Variants in LRMDA observed in about 807,000 individuals in gnomAD.
LRMDA encodes leucine-rich melanocyte differentiation-associated protein.
Under a neutral mutation model 29.8 loss-of-function variants are expected in LRMDA, and 18 were observed. The observed-to-expected ratio is 0.60, with a 90% CI of 0.42 to 0.90. The LOEUF is 0.90. Ranked by LOEUF, LRMDA falls within the 40% of genes least tolerant of loss-of-function variation. LRMDA has a pLI of 0.00. For synonymous variants in LRMDA, 125 were observed against 109.4 expected (o/e 1.14, Z -0.89); for missense variants, 273 against 273.9 (o/e 1.00, Z 0.02).
chr10:76,057,918 T>C lies in LRMDA; in HGVS notation c.399-748T>C, dbSNP rs114819908. On this transcript the variant is annotated intron_variant, in intron 4 of 6. Transcript: ENST00000611255. ...TATACCCTGGCCAAGTGGTTATTCT[T>C]GTCAACTCCATATATACCTATTTGA... Among the ~76,000 whole-genome samples, 291 of 152,354 alleles carry C rather than the reference T, an allele frequency of 1.9e-3. 2 individuals carry two copies. Among genetic ancestry groups the C allele is most frequent in the African/African-American group, 6.7e-3 (277 of 41,586 alleles).
chr10:75,450,481 A>G (rs1234234438), intron 2 of LRMDA: 3 of 152,058 alleles, frequency 2.0e-5, no homozygotes, highest in Admixed American at 6.6e-5. Flanking sequence ...GAAAAAAAAA[A>G]TCACCAAACC....
intron 5 of LRMDA, among the ~76,000 whole-genome samples, chr10:76,075,263 G>A (rs1004050342): frequency 9.2e-5 from 14 of 152,198 alleles, no homozygotes; most frequent in Admixed American, 6.5e-4. Flanking sequence ...GTTAAGGTGG[G>A]CCCTAATCCA....
At chr10:75,548,505 T>A (rs1840105974) in intron 2 of LRMDA, among the ~76,000 whole-genome samples, 1 of 152,164 alleles carries the variant, frequency 6.6e-6, no homozygotes, top group Non-Finnish European at 1.5e-5. Flanking sequence ...ATTAGGTTCC[T>A]TCTGACCTGG....
At chr10:75,533,772 G>A (rs1845505948) in intron 2 of LRMDA, among the ~76,000 whole-genome samples, 1 of 152,164 alleles carries the variant, frequency 6.6e-6, no homozygotes, top group South Asian at 2.1e-4. Context: ...CCCACTCAGA[G>A]GATGAGAGGA....
intron 2 of LRMDA, among the ~76,000 whole-genome samples, chr10:75,889,446 G>A (rs1258591891): frequency 6.6e-6 from 1 of 152,180 alleles, no homozygotes; most frequent in African/African-American, 2.4e-5. Flanking sequence ...AGAGTCTTAG[G>A]TTTCCCCTCC....
At position 75,728,822 on chromosome 10, in the gene LRMDA, A is replaced by G. The variant is rs1842661527; in HGVS notation, c.131+290328A>G. 2.0e-5 allele frequency among the ~76,000 whole-genome samples: 3 copies of G among 151,692 alleles called. No individual in the cohort carries two copies. In the South Asian group the frequency reaches 6.3e-4, roughly 32 times the overall value. On this transcript the variant is annotated intron_variant, in intron 2 of 6. Coordinates refer to ENST00000611255, the MANE Select transcript of LRMDA (RefSeq NM_001305581.2). Reference sequence around the variant, plus strand: ...ATGGTGGCTAATGGGGGTTGAGTGTATACTTTTGGGTAGATGGATAAGTTG... The same window carrying G: ...ATGGTGGCTAATGGGGGTTGAGTGTGTACTTTTGGGTAGATGGATAAGTTG...
At position 75,789,301 on chromosome 10, in the gene LRMDA, C is replaced by T. The variant is rs371903351; in HGVS notation, c.132-246707C>T. On this transcript the variant is annotated intron_variant, in intron 2 of 6. Transcript: ENST00000611255. ...ACAGCAGAGCCTGGCAGGTTGTAAA[C>T]CCACAGTAAATAGTTAGCAGGGGCT... 1.0e-3 allele frequency among the ~76,000 whole-genome samples: 158 copies of T among 152,266 alleles called. 5 individuals carry two copies. The South Asian group carries it at 0.032, about 30-fold the overall frequency.
intron 6 of LRMDA, among the ~76,000 whole-genome samples, chr10:76,389,995 A>T (rs553078659): frequency 9.2e-5 from 14 of 152,152 alleles, no homozygotes; most frequent in Non-Finnish European, 1.5e-4. Flanking sequence ...GATTCTTCTG[A>T]GTATATATAC....
At chr10:76,074,547 C>A (rs1848926806) in intron 5 of LRMDA, among the ~76,000 whole-genome samples, 1 of 152,286 alleles carries the variant, frequency 6.6e-6, no homozygotes, top group East Asian at 1.9e-4. Context: ...ACAGCTTCCA[C>A]CCCCCTCCCA....
At chr10:75,763,743 G>A (rs1396242251) in intron 2 of LRMDA, among the ~76,000 whole-genome samples, 2 of 150,962 alleles carry the variant, frequency 1.3e-5, no homozygotes, top group Non-Finnish European at 2.9e-5. Flanking sequence ...GGGAAGGGGA[G>A]AGGTGTTCCT....
At chr10:76,225,915 C>T (rs1398057885) in intron 5 of LRMDA, among the ~76,000 whole-genome samples, 2 of 133,664 alleles carry the variant, frequency 1.5e-5, no homozygotes, top group African/African-American at 5.6e-5. Flanking sequence ...TGTGATGTTC[C>T]CCTTCCTGTG....
intron 5 of LRMDA, among the ~76,000 whole-genome samples, chr10:76,209,998 G>A (rs1300528057): frequency 6.6e-6 from 1 of 152,154 alleles, no homozygotes; most frequent in African/African-American, 2.4e-5. Context: ...AAGTGTAAAA[G>A]CGCATAGCTA....
intron 6 of LRMDA, among the ~76,000 whole-genome samples, chr10:76,377,165 G>T (rs952878612): frequency 2.6e-5 from 4 of 152,028 alleles, no homozygotes; most frequent in African/African-American, 7.2e-5. Flanking sequence ...GATTACAGGT[G>T]TGAGCCACCA....
At chr10:76,271,457 T>A (rs531718836) in intron 5 of LRMDA, among the ~76,000 whole-genome samples, 38 of 151,616 alleles carry the variant, frequency 2.5e-4, no homozygotes, top group Non-Finnish European at 4.1e-4. Flanking sequence ...TAAAAAAAAA[T>A]AATCCATGCT....
At chr10:76,312,716 C>T (rs887076779) in intron 5 of LRMDA, among the ~76,000 whole-genome samples, 3 of 151,648 alleles carry the variant, frequency 2.0e-5, no homozygotes, top group Admixed American at 6.6e-5. Context: ...TGGATGAATT[C>T]GGATTATAAT....
At chr10:75,976,937 C>T (rs1185824717) in intron 2 of LRMDA, among the ~76,000 whole-genome samples, 1 of 152,134 alleles carries the variant, frequency 6.6e-6, no homozygotes, top group African/African-American at 2.4e-5. Flanking sequence ...GTTGGGTAAA[C>T]ACAATCATGG....
Position 75,795,503 on chromosome 10 carries a change from A to T in LRMDA, c.132-240505A>T, listed in dbSNP as rs148630168. 4.2e-3 allele frequency among the ~76,000 whole-genome samples: 635 copies of T among 152,300 alleles called. 14 individuals are homozygous for T. Among genetic ancestry groups the T allele is most frequent in the Admixed American group, 0.034 (514 of 15,294 alleles). On this transcript the variant is annotated intron_variant, in intron 2 of 6. Coordinates refer to ENST00000611255, the MANE Select transcript of LRMDA (RefSeq NM_001305581.2). Reference sequence around the variant, plus strand: ...TTATTATTTTCAACTACACTCCCCCATTCAATTATTTTGGAAACTTTATCA... The same window carrying T: ...TTATTATTTTCAACTACACTCCCCCTTTCAATTATTTTGGAAACTTTATCA...
chr10:76,363,276 A>AAGGAAGGAAGGAAAGGAAGGAAGG (rs1218743181), intron 6 of LRMDA, among the ~76,000 whole-genome samples: 7 of 58,874 alleles, frequency 1.2e-4, no homozygotes, highest in Admixed American at 5.1e-4. Context: ...GGAAGGAAGG[A>AAGGAAGGAAGGAAAGGAAGGAAGG]AAGGAAGGAA....
Position 76,036,036 on chromosome 10 carries a change from A to G in LRMDA, c.160A>G (p.Ser54Gly), listed in dbSNP as rs576102096. The G allele has an allele frequency of 6.2e-7, 1 of 1,614,076 alleles. No homozygotes were observed. Among genetic ancestry groups the G allele is most frequent in the African/African-American group, 1.3e-5 (1 of 75,030 alleles). ...ACTGGAAGGACTGAGCGCATTCAGG[A>G]GCCTGGAGGAACTCATCTTGGACAA... ...RSLEGLSAFRSLEELILDNNQ... is the reference protein window; with the variant it reads ...RSLEGLSAFRGLEELILDNNQ... The change falls in exon 3 of 7, where the codon AGC becomes GGC. Residue 54 changes from serine (S) to glycine (G), a missense_variant. By Grantham distance (56) the Ser-to-Gly change is moderately conservative (BLOSUM62 0). Coordinates refer to ENST00000611255, the MANE Select transcript of LRMDA (RefSeq NM_001305581.2).
Sources: allele counts gnomAD v4.1 joint callset (sites outside exome capture counted in the v4.1 genomes callset), GRCh38; gene constraint gnomAD v4.1.1; transcripts MANE v1.5; gene names NCBI Gene and HGNC (gene_info 2026-07-23, HGNC 2026-07-21).